Variants in AEBP2 observed in about 807,000 individuals in gnomAD.
The protein encoded by AEBP2 is zinc finger protein AEBP2.
A neutral mutation model predicts 50.8 loss-of-function variants in AEBP2; 10 were observed. The observed-to-expected ratio is 0.20, with a 90% CI of 0.12 to 0.33. AEBP2 has a LOEUF of 0.33. Ranked by LOEUF, AEBP2 falls within the 10% of genes least tolerant of loss-of-function variation. AEBP2 has a pLI of 1.00. For synonymous variants in AEBP2, 296 were observed against 261.3 expected (o/e 1.13, Z -1.28); for missense variants, 570 against 688.0 (o/e 0.83, Z 1.92).
At chr12:19,449,625 A>G (rs963847444) in intron 1 of AEBP2, among the ~76,000 whole-genome samples, 1 of 152,186 alleles carries the variant, frequency 6.6e-6, no homozygotes, top group Non-Finnish European at 1.5e-5. Context: ...CTTTAACCAG[A>G]GAAATAATTG....
intron 5 of AEBP2, among the ~76,000 whole-genome samples, chr12:19,500,456 G>C (rs1245506905): frequency 6.6e-6 from 1 of 152,064 alleles, no homozygotes; most frequent in African/African-American, 2.4e-5. Context: ...AGTTACTTAG[G>C]AATAATGGGA....
chr12:19,457,532 A>G, intron 1 of AEBP2: 1 of 1,483,210 alleles, frequency 6.7e-7, no homozygotes. Context: ...CAATTTTTTC[A>G]ATGGTTCTTT....
At chr12:19,487,729 A>G (rs76362674) in intron 3 of AEBP2, among the ~76,000 whole-genome samples, 6 of 150,396 alleles carry the variant, frequency 4.0e-5, no homozygotes, top group Non-Finnish European at 8.8e-5. Context: ...AAACATAAAG[A>G]AAAAAAAAGA....
rs1451208671 is a variant in AEBP2, at chr12:19,520,869, A to G, written c.*2752A>G. 6.6e-6 allele frequency: 1 copy of G among 152,194 alleles called. No homozygotes were observed. The highest frequency in any genetic ancestry group is 1.5e-5 in the Non-Finnish European group (1 of 68,028). 9.4% of individuals were successfully genotyped at this position (152,194 alleles called of 1,614,324 possible). On this transcript the variant is annotated 3_prime_UTR_variant, in exon 8 of 8. Coordinates refer to ENST00000266508, the MANE Select transcript of AEBP2 (RefSeq NM_153207.5). ...TGCTGACATCATGCTGCAAGTGGAA[A>G]ATTCCACGCCTGACCTCATGTGACT... is the stretch of plus-strand genomic sequence containing the variant.
intron 1 of AEBP2, among the ~76,000 whole-genome samples, chr12:19,433,283 G>A (rs1284327379): frequency 6.6e-6 from 1 of 152,116 alleles, no homozygotes; most frequent in African/African-American, 2.4e-5. Flanking sequence ...AACTACTTGG[G>A]AGGATGAGGC....
chr12:19,496,038 A>G (rs1169573698), intron 4 of AEBP2, among the ~76,000 whole-genome samples: 1 of 152,188 alleles, frequency 6.6e-6, no homozygotes, highest in East Asian at 1.9e-4. Context: ...CAAAAACCAG[A>G]TGACTTTTCC....
intron 1 of AEBP2, among the ~76,000 whole-genome samples, chr12:19,430,101 T>C (rs2095750665): frequency 6.6e-6 from 1 of 152,192 alleles, no homozygotes; most frequent in Non-Finnish European, 1.5e-5. Flanking sequence ...AGGGTTTTTA[T>C]GGTTTTAGGT....
chr12:19,428,794 C>A (rs2095749911), intron 1 of AEBP2, among the ~76,000 whole-genome samples: 2 of 148,992 alleles, frequency 1.3e-5, no homozygotes, highest in Admixed American at 1.3e-4. Flanking sequence ...GCCTAGGCTA[C>A]AAGAGTGAAA....
chr12:19,440,188 A>G lies in AEBP2; in HGVS notation c.489A>G (p.Gly163=). ...AGGAGGGCCTGGAGGAGCCCAAGGG[A>G]CCGCGGGGCAGCCAGGGCGGCGGCG... ...DGKEGLEEPK[G]PRGSQGGGGG... is the part of the protein sequence containing the mutation. The change falls in exon 1 of 8, where the codon GGA becomes GGG. Residue 163 remains glycine, a synonymous_variant. Transcript: ENST00000266508. The G allele has an allele frequency of 1.4e-6, 2 of 1,447,878 alleles. No individual in the cohort carries two copies. Among genetic ancestry groups the G allele is most frequent in the Non-Finnish European group, 1.8e-6 (2 of 1,111,932 alleles). 89.7% of individuals were successfully genotyped at this position (1,447,878 alleles called of 1,614,324 possible).
upstream of AEBP2, among the ~76,000 whole-genome samples, chr12:19,434,882 G>A (rs111239201): frequency 2.8e-3 from 433 of 152,254 alleles, 1 homozygote; most frequent in African/African-American, 9.8e-3. Context: ...TGCCAATTCC[G>A]AGACAGTTCA....
In AEBP2 at chr12:19,440,350, C is replaced by T; in HGVS notation, c.651C>T (p.Ser217=). 6.8e-7 allele frequency: 1 copy of T among 1,470,236 alleles called. No homozygotes were observed. The highest frequency in any genetic ancestry group is 8.9e-7 in the Non-Finnish European group (1 of 1,118,402). The allele number at this position is 1,470,236 out of a possible 1,614,324, so 91.1% of individuals were successfully genotyped here. A position where few individuals can be genotyped will look rare whatever the true frequency, so the allele number is the denominator to read the frequency against. The change falls in exon 1 of 8, where the codon AGC becomes AGT. Residue 217 remains serine (S), a synonymous_variant. Transcript: ENST00000266508. ...TGTCGTCGGATGGGGAACCCCTGAGCCGCATGGACTCGGAGGACAGGTCAG... is the reference window on the plus strand; with the variant it reads ...TGTCGTCGGATGGGGAACCCCTGAGTCGCATGGACTCGGAGGACAGGTCAG... ...LEMSSDGEPL[S]RMDSEDSISS...
intron 1 of AEBP2, among the ~76,000 whole-genome samples, chr12:19,461,203 A>G (rs1003387960): frequency 2.8e-4 from 43 of 152,208 alleles, no homozygotes; most frequent in African/African-American, 1.0e-3. Context: ...TTGCAAGCAG[A>G]TACACACCTT....
At chr12:19,460,681 G>A (rs1474970860) in intron 1 of AEBP2, among the ~76,000 whole-genome samples, 1 of 141,934 alleles carries the variant, frequency 7.0e-6, no homozygotes, top group Non-Finnish European at 1.5e-5. Context: ...TTGAGACAGA[G>A]TCTAGCTCTG....
At chr12:19,433,655 C>T (rs1240662785) in intron 1 of AEBP2, among the ~76,000 whole-genome samples, 1 of 151,756 alleles carries the variant, frequency 6.6e-6, no homozygotes, top group East Asian at 2.0e-4. Flanking sequence ...TGGCAGGCGC[C>T]TGTGATCCCA....
At position 19,514,698 on chromosome 12, in the gene AEBP2, T is replaced by C. The variant is rs1949293267; in HGVS notation, c.1395T>C (p.Ser465=). 1.9e-6 allele frequency: 3 copies of C among 1,609,834 alleles called. No individual in the cohort carries two copies. The Admixed American group carries it at 5.1e-5, about 27-fold the overall frequency. ...TGCCTGATGTGTGGGTGAATGAAAGTGAACGACATCAGTTAAAAACTAAAG... is the reference window on the plus strand; with the variant it reads ...TGCCTGATGTGTGGGTGAATGAAAGCGAACGACATCAGTTAAAAACTAAAG... ...DILPDVWVNE[S]ERHQLKTKVV... The change falls in exon 7 of 8, where the codon AGT becomes AGC. Residue 465 remains serine, a synonymous_variant. Coordinates refer to ENST00000266508, the MANE Select transcript of AEBP2 (RefSeq NM_153207.5).
At chr12:19,507,474 G>A (rs1188573103) in intron 5 of AEBP2, among the ~76,000 whole-genome samples, 2 of 152,210 alleles carry the variant, frequency 1.3e-5, no homozygotes, top group African/African-American at 4.8e-5. Context: ...ACTCAAAATA[G>A]TCCATGAAAA....
intron 1 of AEBP2, among the ~76,000 whole-genome samples, chr12:19,418,249 G>A (rs2095743695): frequency 6.6e-6 from 1 of 151,880 alleles, no homozygotes; most frequent in Admixed American, 6.6e-5. Context: ...TTTTGAGACA[G>A]GGTCTCACTT....
At chr12:19,448,066 A>C (rs1948104101) in intron 1 of AEBP2, among the ~76,000 whole-genome samples, 1 of 152,088 alleles carries the variant, frequency 6.6e-6, no homozygotes, top group Non-Finnish European at 1.5e-5. Context: ...TTTCTTTTTA[A>C]AACATTTTTT....
intron 6 of AEBP2, among the ~76,000 whole-genome samples, chr12:19,513,340 T>C (rs1949265357): frequency 6.6e-6 from 1 of 152,146 alleles, no homozygotes; most frequent in African/African-American, 2.4e-5. Context: ...ATCTTTCTTA[T>C]TAAAATTTTC....
Sources: allele counts gnomAD v4.1 joint callset (sites outside exome capture counted in the v4.1 genomes callset), GRCh38; gene constraint gnomAD v4.1.1; transcripts MANE v1.5; gene names NCBI Gene and HGNC (gene_info 2026-07-23, HGNC 2026-07-21).